Variants in HPD observed in about 807,000 individuals in gnomAD.
The protein encoded by HPD is 4-hydroxyphenylpyruvate dioxygenase.
In HPD, 35 loss-of-function variants were observed where a neutral mutation model predicts 56.9. The ratio of observed to expected loss-of-function variants is 0.62; its 90% CI spans 0.47 to 0.82. The LOEUF (loss-of-function observed/expected upper bound fraction) is 0.82. Among genes scored for constraint, HPD ranks in the 40% least tolerant of loss-of-function variants. The probability of loss-of-function intolerance (pLI) is 0.00; values close to 1 mark genes in which losing one functional copy is unlikely to be tolerated. For missense variants in HPD, 442 were observed against 506.8 expected, an observed-to-expected ratio of 0.87 and a Z score of 1.23; for synonymous variants, 186 against 200.2, an observed-to-expected ratio of 0.93 and a Z score of 0.60.
At chr12:121,844,635 G>A (rs1877514714) in intron 11 of HPD, among the ~76,000 whole-genome samples, 1 of 151,840 alleles carries the variant, frequency 6.6e-6, no homozygotes, top group African/African-American at 2.4e-5. Context: ...TGTAATCCCA[G>A]CACATTGGGA....
chr12:121,852,723 C>T (rs1400285051), intron 7 of HPD, among the ~76,000 whole-genome samples: 1 of 144,452 alleles, frequency 6.9e-6, no homozygotes, highest in Non-Finnish European at 1.5e-5. Flanking sequence ...CAACCTCTGC[C>T]TCCTGGGTTC....
the HPD span, among the ~76,000 whole-genome samples, chr12:121,883,054 C>A: frequency 1.3e-5 from 2 of 152,042 alleles, no homozygotes; most frequent in Non-Finnish European, 2.9e-5. Flanking sequence ...AGGAGAGGTT[C>A]AAGTCAGCCT....
At chr12:121,887,833 T>C in the HPD span, among the ~76,000 whole-genome samples, 1 of 152,210 alleles carries the variant, frequency 6.6e-6, no homozygotes, top group South Asian at 2.1e-4. Flanking sequence ...GTCCCTTCTT[T>C]TGGATATGTC....
chr12:121,872,213 T>A, the HPD span, among the ~76,000 whole-genome samples: 1 of 137,008 alleles, frequency 7.3e-6, no homozygotes, highest in African/African-American at 2.7e-5. Context: ...CACTCCAGCC[T>A]GGGCGACAGA....
the HPD span, among the ~76,000 whole-genome samples, chr12:121,887,170 G>A: frequency 6.6e-6 from 1 of 151,830 alleles, no homozygotes; most frequent in African/African-American, 2.4e-5. Flanking sequence ...AAAGTGCTGG[G>A]ATTACAGGTG....
upstream of HPD, among the ~76,000 whole-genome samples, chr12:121,865,327 T>C (rs1325334937): frequency 1.3e-5 from 2 of 151,224 alleles, no homozygotes; most frequent in South Asian, 4.3e-4. Flanking sequence ...TGGAGTGCAC[T>C]GGCATGATCT....
At chr12:121,857,939 A>G (rs1044468484) in intron 2 of HPD, 120 bp from the exon 3 acceptor site, 3 of 773,908 alleles carry the variant, frequency 3.9e-6, no homozygotes, top group African/African-American at 1.7e-5. Flanking sequence ...ACTTAGGAGC[A>G]GCGGAACCCC....
chr12:121,858,857 G>C lies in HPD; in HGVS notation c.-34C>G, dbSNP rs767240917. 6.2e-7 allele frequency: 1 copy of C among 1,613,852 alleles called. No homozygotes were observed. Among genetic ancestry groups the C allele is most frequent in the Admixed American group, 1.7e-5 (1 of 60,016 alleles). On this transcript the variant is annotated 5_prime_UTR_variant, in exon 1 of 14. Transcript: ENST00000289004. ...TTAGTCAAACCTCCTACTGGGACTA[G>C]AGGCCTGGGGAGTGCTGGGCCGGAG...
At chr12:121,857,478 G>T in intron 3 of HPD, 46 bp from the exon 4 acceptor site, 2 of 1,403,664 alleles carry the variant, frequency 1.4e-6, no homozygotes, top group Non-Finnish European at 2.0e-6. Flanking sequence ...CAAGGGGCCA[G>T]CATGGGGGAC....
intron 5 of HPD, 35 bp downstream of exon 5, chr12:121,856,548 C>T (rs369763901): frequency 1.2e-6 from 2 of 1,612,640 alleles, no homozygotes; most frequent in Admixed American, 3.3e-5. Flanking sequence ...ATCCCACCCA[C>T]AGAGCCATGC....
At chr12:121,858,570 C>T (rs1878088479) in intron 2 of HPD, 117 bp downstream of exon 2, 10 of 1,031,520 alleles carry the variant, frequency 9.7e-6, no homozygotes, top group Admixed American at 5.1e-5. Flanking sequence ...CAGGCATGCA[C>T]GTCATGTATC....
the HPD span, among the ~76,000 whole-genome samples, chr12:121,876,419 TG>T: frequency 6.6e-6 from 1 of 152,052 alleles, no homozygotes; most frequent in East Asian, 1.9e-4. Context: ...GGTTTAGAGG[TG>T]GGAGGCCCCC....
intron 9 of HPD, among the ~76,000 whole-genome samples, chr12:121,847,789 G>A (rs749385302): frequency 4.0e-5 from 6 of 151,696 alleles, no homozygotes; most frequent in South Asian, 2.1e-4. Flanking sequence ...CACCCGCCTC[G>A]GCCTCCCAAA....
chr12:121,849,832 T>C (rs1592919167), intron 7 of HPD, 42 bp from the exon 8 acceptor site: 1 of 1,342,588 alleles, frequency 7.4e-7, no homozygotes, highest in Non-Finnish European at 1.1e-6. Context: ...TGGGCACCCA[T>C]CCCCGCCGAG....
chr12:121,875,495 G>A, the HPD span, among the ~76,000 whole-genome samples: 1 of 145,016 alleles, frequency 6.9e-6, no homozygotes, highest in African/African-American at 2.6e-5. Flanking sequence ...GCTCAATCTC[G>A]GCTCACTGCA....
chr12:121,876,532 T>A, the HPD span, among the ~76,000 whole-genome samples: 1 of 152,040 alleles, frequency 6.6e-6, no homozygotes, highest in African/African-American at 2.4e-5. Context: ...TAAATTACCA[T>A]CACGTCAGTA....
At chr12:121,854,858 T>C in intron 6 of HPD, 66 bp from the exon 7 acceptor site, 1 of 1,263,392 alleles carries the variant, frequency 7.9e-7, no homozygotes, top group Non-Finnish European at 1.2e-6. Context: ...TGCCTGCTGC[T>C]CCTGCCTGGT....
the HPD span, among the ~76,000 whole-genome samples, chr12:121,873,098 T>C: frequency 6.6e-6 from 1 of 152,174 alleles, no homozygotes; most frequent in Non-Finnish European, 1.5e-5. Context: ...AGGGAGGTAG[T>C]ACTTGATCAT....
chr12:121,867,054 A>G (rs1162671494), upstream of HPD, among the ~76,000 whole-genome samples: 2 of 152,098 alleles, frequency 1.3e-5, no homozygotes, highest in Non-Finnish European at 2.9e-5. Flanking sequence ...CATTCACCCA[A>G]CAAAATACAT....
Sources: gnomAD v4.1 joint callset for allele counts (sites outside exome capture counted in the v4.1 genomes callset) on GRCh38, gnomAD v4.1.1 for gene constraint, MANE v1.5 for transcripts, NCBI Gene and HGNC (gene_info 2026-07-23, HGNC 2026-07-21) for gene names.